The following SSBP4 variants were observed in gnomAD, a reference collection of about 807,000 sequenced individuals.
SSBP4 encodes single stranded DNA binding protein 4, also known as single-stranded DNA-binding protein 4.
A neutral mutation model predicts 64.6 loss-of-function variants in SSBP4; 33 were observed. That is an observed-to-expected ratio of 0.51 (90% CI 0.39 to 0.68). The LOEUF is 0.68. Among genes scored for constraint, SSBP4 ranks in the 30% least tolerant of loss-of-function variants. The probability of loss-of-function intolerance (pLI) is 0.00; values close to 1 mark genes in which losing one functional copy is unlikely to be tolerated. For synonymous variants in SSBP4, 243 were observed against 224.0 expected (o/e 1.08, Z -0.76); for missense variants, 583 against 566.8 (o/e 1.03, Z -0.29).
At position 18,427,706 on chromosome 19, in the gene SSBP4, C is replaced by A. The variant is rs375267710; in HGVS notation, c.133-46C>A. The A allele has an allele frequency of 6.5e-7, 1 of 1,541,574 alleles. No homozygotes were observed. The highest frequency in any genetic ancestry group is 1.9e-5 in the Admixed American group (1 of 53,514). ...CTGGGCACCCTGCTGGGTGGTGGGG[C>A]AGGGTCAGGTAGGGCCACCCCCTCA... On this transcript the variant is annotated intron_variant, in intron 2 of 17. Coordinates refer to ENST00000270061, the MANE Select transcript of SSBP4 (RefSeq NM_032627.5). The surrounding 1 kb of genome is among the most constrained non-coding windows in gnomAD (Gnocchi z 4.4).
Position 18,433,164 on chromosome 19 carries a change from CATGGCCGCCATGAGCGCG to C in SSBP4, c.947_964del (p.Ala316_Met321del), listed in dbSNP as rs1461364767. 1 of 1,595,076 alleles carries C rather than the reference CATGGCCGCCATGAGCGCG, an allele frequency of 6.3e-7. No homozygotes were observed. The highest frequency in any genetic ancestry group is 8.5e-7 in the Non-Finnish European group (1 of 1,171,860). ...CGCTCGGCCCTGGCCCGGAGGGCCC[CATGGCCGCCATGAGCGCG>C]ATGGAGCCTCACCACGTGAACGGAT... On this transcript the variant is annotated inframe_deletion, in exon 15 of 18. Coordinates refer to ENST00000270061, the MANE Select transcript of SSBP4 (RefSeq NM_032627.5).
chr19:18,413,019 T>A, the SSBP4 span, among the ~76,000 whole-genome samples: 5 of 152,068 alleles, frequency 3.3e-5, no homozygotes, highest in Non-Finnish European at 7.4e-5. Flanking sequence ...GGGCACCAAC[T>A]GCCAACAGAC....
At chr19:18,428,020 G>A (rs367734533) in intron 4 of SSBP4, 38 bp downstream of exon 4, 54 of 1,594,558 alleles carry the variant, frequency 3.4e-5, no homozygotes, top group African/African-American at 2.1e-4. Flanking sequence ...GCTCCAGGGC[G>A]GGAGGTGTGC....
chr19:18,425,111 G>A (rs1304006189), intron 1 of SSBP4, among the ~76,000 whole-genome samples: 2 of 148,032 alleles, frequency 1.4e-5, no homozygotes, highest in African/African-American at 5.0e-5. Flanking sequence ...AGAGGGCGGG[G>A]TGGGCTCTAG....
At position 18,433,729 on chromosome 19, in the gene SSBP4, C is replaced by G. The variant is rs982963554; in HGVS notation, c.1040C>G (p.Ala347Gly). ...GLPKSSPGAV[A>G]GLSNAPGTPR... Reference sequence around the variant, plus strand: ...CCCCAGAGTTCCCCCGGCGCCGTGGCCGGCCTGAGCAACGCCCCGGGCACC... The same window carrying G: ...CCCCAGAGTTCCCCCGGCGCCGTGGGCGGCCTGAGCAACGCCCCGGGCACC... Residue 347 changes from alanine (A) to glycine (G), a missense_variant, in exon 17 of 18, where the codon GCC becomes GGC. Coordinates refer to ENST00000270061, the MANE Select transcript of SSBP4 (RefSeq NM_032627.5). The G allele has an allele frequency of 3.3e-5, 47 of 1,430,078 alleles. No homozygotes were observed. Among genetic ancestry groups the G allele is most frequent in the Non-Finnish European group, 4.3e-5 (47 of 1,103,122 alleles). The allele number at this position is 1,430,078 out of a possible 1,614,324, so 88.6% of individuals were successfully genotyped here.
rs1600295426 is a variant in SSBP4 at position 18,423,469 on chromosome 19, G to T, written c.59+3762G>T. ...GGAGGGAGGACGGCGAGGGTTGGAG[G>T]GTCAGGAGTGAGACCTGGTGACGGA... is the stretch of plus-strand genomic sequence containing the variant. On this transcript the variant is annotated intron_variant, in intron 1 of 17. Transcript: ENST00000270061. The surrounding 1 kb of genome is among the most constrained non-coding windows in gnomAD (Gnocchi z 4.0). Among the ~76,000 whole-genome samples the T allele has an allele frequency of 6.6e-6, 1 of 152,158 alleles. No homozygotes were observed. The highest frequency in any genetic ancestry group is 1.5e-5 in the Non-Finnish European group (1 of 68,020).
chr19:18,417,045 G>A (rs1012643584), upstream of SSBP4, among the ~76,000 whole-genome samples: 4 of 151,814 alleles, frequency 2.6e-5, no homozygotes, highest in South Asian at 4.2e-4. This position sits in a 1 kb window ranked among gnomAD's most constrained non-coding sequence, Gnocchi z 5.4. Flanking sequence ...TCTCTGGGCC[G>A]CCGGCGCCTC....
chr19:18,414,444 T>C (rs1318761557), upstream of SSBP4, among the ~76,000 whole-genome samples: 2 of 152,094 alleles, frequency 1.3e-5, no homozygotes, highest in Non-Finnish European at 2.9e-5. Flanking sequence ...TGAGCTATGA[T>C]TGTGCCGCTG....
At chr19:18,414,040 A>AAAC (rs1310032068), upstream of SSBP4, among the ~76,000 whole-genome samples, 5 of 151,950 alleles carry the variant, frequency 3.3e-5, no homozygotes, top group Non-Finnish European at 5.9e-5. Flanking sequence ...AACAAAAAAA[A>AAAC]CGGCATTCCC....
At position 18,426,335 on chromosome 19, in the gene SSBP4, T is replaced by C. The variant is rs1972854459; in HGVS notation, c.60-1016T>C. ...CCTGCCTGCTTCTCGCCTCTAGGGC[T>C]CAGCCTCAGGCTGGCCCTCTGGTAC... On this transcript the variant is annotated intron_variant, in intron 1 of 17. Transcript: ENST00000270061. The surrounding 1 kb of genome is among the most constrained non-coding windows in gnomAD (Gnocchi z 4.5). 6.6e-6 allele frequency among the ~76,000 whole-genome samples: 1 copy of C among 152,196 alleles called. No homozygotes were observed. Among genetic ancestry groups the C allele is most frequent in the Non-Finnish European group, 1.5e-5 (1 of 68,022 alleles).
At chr19:18,411,100 C>A in the SSBP4 span, among the ~76,000 whole-genome samples, 1 of 151,664 alleles carries the variant, frequency 6.6e-6, no homozygotes, top group Non-Finnish European at 1.5e-5. Flanking sequence ...CATAGTGAGA[C>A]CCCCTTCTCT....
the SSBP4 span, among the ~76,000 whole-genome samples, chr19:18,408,111 T>G: frequency 6.6e-6 from 1 of 152,304 alleles, no homozygotes; most frequent in South Asian, 2.1e-4. Flanking sequence ...AAATAAAACG[T>G]GGCATGAAGG....
chr19:18,417,672 G>C (rs192662431), upstream of SSBP4, among the ~76,000 whole-genome samples: 2,149 of 152,304 alleles, frequency 0.014, 51 homozygotes, highest in African/African-American at 0.048. This position sits in a 1 kb window ranked among gnomAD's most constrained non-coding sequence, Gnocchi z 5.4. Context: ...ACCCCGCCGA[G>C]CCGGGGCCCG....
chr19:18,432,311 C>G (rs916833074), intron 10 of SSBP4, 97 bp downstream of exon 10: 70 of 1,476,232 alleles, frequency 4.7e-5, no homozygotes, highest in Admixed American at 3.2e-4. Context: ...CTCAGGACAG[C>G]CTTGGATATT....
chr19:18,428,738 C>T (rs1306321704), intron 4 of SSBP4, among the ~76,000 whole-genome samples: 4 of 152,148 alleles, frequency 2.6e-5, no homozygotes, highest in African/African-American at 9.7e-5. Context: ...GCAGAGGCGG[C>T]CCGAGGGGTG....
At chr19:18,419,852 C>T in intron 1 of SSBP4, 145 bp downstream of exon 1, 1 of 330,362 alleles carries the variant, frequency 3.0e-6, no homozygotes, top group South Asian at 1.5e-4. Context: ...TTGGCGGGGG[C>T]GCGCGACCCC....
At chr19:18,432,911 G>A (rs376974371) in intron 13 of SSBP4, 28 bp downstream of exon 13, 6 of 1,614,048 alleles carry the variant, frequency 3.7e-6, no homozygotes, top group Non-Finnish European at 4.2e-6. Context: ...GTGGGGGTGT[G>A]CTAGGGTGGG....
chr19:18,406,010 G>T, the SSBP4 span, among the ~76,000 whole-genome samples: 4 of 150,896 alleles, frequency 2.7e-5, no homozygotes, highest in African/African-American at 7.3e-5. Context: ...AAAAAAGACA[G>T]AGAGAGAAAG....
At chr19:18,429,736 G>A (rs951793303) in intron 4 of SSBP4, among the ~76,000 whole-genome samples, 1 of 152,134 alleles carries the variant, frequency 6.6e-6, no homozygotes, top group Non-Finnish European at 1.5e-5. Context: ...AGTAGGGCAC[G>A]AGGGCTTTCG....
Sources: gnomAD v4.1 joint callset for allele counts (sites outside exome capture counted in the v4.1 genomes callset) on GRCh38, gnomAD v4.1.1 for gene constraint, Gnocchi (gnomAD v3.1) non-coding constraint, MANE v1.5 for transcripts, NCBI Gene and HGNC (gene_info 2026-07-23, HGNC 2026-07-21) for gene names.